FAM90A24: variants seen among roughly 807,000 people sequenced by gnomAD.
FAM90A24 encodes the protein protein FAM90A24.
the FAM90A24 span, among the ~76,000 whole-genome samples, chr8:8,022,547 C>T: frequency 1.1e-4 from 9 of 85,504 alleles, no homozygotes; most frequent in Middle Eastern, 6.1e-3. Flanking sequence ...TACGATGTTC[C>T]CTCGCAAAGC....
chr8:8,022,564 G>C, the FAM90A24 span, among the ~76,000 whole-genome samples: 1 of 85,284 alleles, frequency 1.2e-5, no homozygotes, highest in Non-Finnish European at 2.7e-5. Context: ...AAGCCCACGG[G>C]ACGGAGGAAC....
At chr8:8,022,544 T>A in the FAM90A24 span, among the ~76,000 whole-genome samples, 2 of 85,408 alleles carry the variant, frequency 2.3e-5, no homozygotes, top group Non-Finnish European at 5.3e-5. Flanking sequence ...GGATACGATG[T>A]TCCCTCGCAA....
chr8:8,022,426 C>G, the FAM90A24 span: 1 of 391,976 alleles, frequency 2.6e-6, no homozygotes, highest in Admixed American at 5.4e-5. Context: ...GCTGAAGCCA[C>G]AGGCAGCGAT....
the FAM90A24 span, among the ~76,000 whole-genome samples, chr8:8,022,604 G>T: frequency 4.9e-5 from 4 of 81,300 alleles, no homozygotes; most frequent in South Asian, 3.2e-3. Context: ...AGTTCCAAGG[G>T]GCACGATGGT....
chr8:8,021,907 T>C, the FAM90A24 span, among the ~76,000 whole-genome samples: 10 of 148,852 alleles, frequency 6.7e-5, no homozygotes, highest in Admixed American at 6.9e-4. Context: ...CCTCTAGGCT[T>C]CCCAACTAAG....
chr8:8,022,637 C>A, the FAM90A24 span, among the ~76,000 whole-genome samples: 3 of 79,144 alleles, frequency 3.8e-5, no homozygotes, highest in Admixed American at 1.7e-4. Context: ...AACAACGCAG[C>A]CAAACGTGGC....
the FAM90A24 span, among the ~76,000 whole-genome samples, chr8:8,022,621 G>A: frequency 1.2e-5 from 1 of 80,312 alleles, no homozygotes; most frequent in Non-Finnish European, 2.8e-5. Flanking sequence ...TGGTGAAGCC[G>A]ATGTCAACAA....
the FAM90A24 span, among the ~76,000 whole-genome samples, chr8:8,022,571 G>T: frequency 3.5e-5 from 3 of 84,954 alleles, no homozygotes; most frequent in African/African-American, 9.9e-5. Flanking sequence ...CGGGACGGAG[G>T]AACTCTGAAA....
the FAM90A24 span, chr8:8,022,520 T>A: frequency 2.6e-6 from 1 of 390,860 alleles, no homozygotes; most frequent in Non-Finnish European, 4.1e-6. Flanking sequence ...GGCCGTTAAG[T>A]GCCGGGAGAG....
chr8:8,022,706 C>T, the FAM90A24 span, among the ~76,000 whole-genome samples: 13 of 66,346 alleles, frequency 2.0e-4, no homozygotes, highest in African/African-American at 5.7e-4. Flanking sequence ...AGGGACCTAT[C>T]GGGCCGGGGA....
At chr8:8,022,550 C>G in the FAM90A24 span, among the ~76,000 whole-genome samples, 1 of 85,438 alleles carries the variant, frequency 1.2e-5, no homozygotes, top group Non-Finnish European at 2.7e-5. Flanking sequence ...GATGTTCCCT[C>G]GCAAAGCCCA....
At chr8:8,022,658 T>C in the FAM90A24 span, among the ~76,000 whole-genome samples, 2 of 76,430 alleles carry the variant, frequency 2.6e-5, no homozygotes, top group Non-Finnish European at 5.7e-5. Context: ...TATACAGGAC[T>C]CTAAGTAGAA....
At chr8:8,020,004 T>A in the FAM90A24 span, 1 of 498,114 alleles carries the variant, frequency 2.0e-6, no homozygotes, top group Non-Finnish European at 3.5e-6. Flanking sequence ...CAGGTCAGAA[T>A]CGCTGTCCTC....
At chr8:8,022,557 C>T in the FAM90A24 span, among the ~76,000 whole-genome samples, 1 of 85,450 alleles carries the variant, frequency 1.2e-5, no homozygotes, top group Non-Finnish European at 2.7e-5. Flanking sequence ...CCTCGCAAAG[C>T]CCACGGGACG....
the FAM90A24 span, chr8:8,022,492 AG>A: frequency 2.7e-6 from 1 of 365,442 alleles, no homozygotes; most frequent in Non-Finnish European, 4.6e-6. Context: ...GATTCCAAAG[AG>A]GGGACACCGG....
chr8:8,022,608 C>A, the FAM90A24 span, among the ~76,000 whole-genome samples: 3 of 80,974 alleles, frequency 3.7e-5, no homozygotes, highest in Non-Finnish European at 8.3e-5. Flanking sequence ...CCAAGGGGCA[C>A]GATGGTGAAG....
At chr8:8,022,611 T>C in the FAM90A24 span, among the ~76,000 whole-genome samples, 1 of 80,742 alleles carries the variant, frequency 1.2e-5, no homozygotes, top group African/African-American at 3.5e-5. Context: ...AGGGGCACGA[T>C]GGTGAAGCCG....
At chr8:8,022,639 A>C in the FAM90A24 span, among the ~76,000 whole-genome samples, 2 of 78,944 alleles carry the variant, frequency 2.5e-5, no homozygotes, top group African/African-American at 7.3e-5. Context: ...CAACGCAGCC[A>C]AACGTGGCTA....
the FAM90A24 span, among the ~76,000 whole-genome samples, chr8:8,022,612 G>A: frequency 3.7e-5 from 3 of 80,734 alleles, 1 homozygote; most frequent in African/African-American, 1.1e-4. Context: ...GGGGCACGAT[G>A]GTGAAGCCGA....
Sources: gnomAD v4.1 joint callset for allele counts (sites outside exome capture counted in the v4.1 genomes callset) on GRCh38, gnomAD v4.1.1 for gene constraint, MANE v1.5 for transcripts, NCBI Gene and HGNC (gene_info 2026-07-23, HGNC 2026-07-21) for gene names.